The following CACNA2D3 variants were observed in gnomAD, a reference collection of about 807,000 sequenced individuals.
CACNA2D3 encodes the protein calcium voltage-gated channel auxiliary subunit alpha2delta 3, also known as voltage-dependent calcium channel subunit alpha-2/delta-3.
Under a neutral mutation model 160.6 loss-of-function variants are expected in CACNA2D3, and 60 were observed. The observed-to-expected ratio is 0.37, with a 90% CI of 0.30 to 0.46. The LOEUF (loss-of-function observed/expected upper bound fraction) is 0.46, where lower values mean the gene tolerates loss of function less well. Among genes scored for constraint, CACNA2D3 ranks in the 20% least tolerant of loss-of-function variants. The pLI is 1.00. For synonymous variants in CACNA2D3, 558 were observed against 492.9 expected (o/e 1.13, Z -1.75); for missense variants, 1,205 against 1,365.0 (o/e 0.88, Z 1.85).
At chr3:54,386,870 G>A in intron 4 of CACNA2D3, 96 bp downstream of exon 4, 1 of 1,151,596 alleles carries the variant, frequency 8.7e-7, no homozygotes, top group South Asian at 1.4e-5. Context: ...CAGTGATTGG[G>A]AGGGAGAGGC....
At chr3:54,793,526 T>C (rs1702803630) in intron 13 of CACNA2D3, among the ~76,000 whole-genome samples, 1 of 152,246 alleles carries the variant, frequency 6.6e-6, no homozygotes, top group African/African-American at 2.4e-5. Flanking sequence ...TCATCTCAAA[T>C]GTCTTTCAGA....
Position 54,911,351 on chromosome 3 carries a change from C to CTTTTTTTTTTTTTTTT in CACNA2D3, c.2449+11490_2449+11505dup, listed in dbSNP as rs58289082. ...CCTCCTCCCCCTCCTTCTTTGTCGT[C>CTTTTTTTTTTTTTTTT]TTTTTTTTTTTTTTTTTTTTTTAAA... On this transcript the variant is annotated intron_variant, in intron 27 of 37. Coordinates refer to ENST00000474759, the MANE Select transcript of CACNA2D3 (RefSeq NM_018398.3). 1.3e-3 allele frequency among the ~76,000 whole-genome samples: 78 copies of CTTTTTTTTTTTTTTTT among 58,580 alleles called. 10 individuals carry two copies. Among genetic ancestry groups the CTTTTTTTTTTTTTTTT allele is most frequent in the African/African-American group, 4.3e-3 (49 of 11,310 alleles). 38.4% of individuals were successfully genotyped at this position (58,580 alleles called of 152,430 possible). A position where few individuals can be genotyped will look rare whatever the true frequency, so the allele number is the denominator to read the frequency against.
intron 4 of CACNA2D3, among the ~76,000 whole-genome samples, chr3:54,501,586 ATT>A (rs752245060): frequency 2.1e-5 from 3 of 143,558 alleles, no homozygotes. Context: ...TGCCTGACTA[ATT>A]TTTTTTTTTT....
chr3:54,270,555 TCAAG>T (rs1462849311), intron 2 of CACNA2D3, among the ~76,000 whole-genome samples: 14 of 152,308 alleles, frequency 9.2e-5, no homozygotes, highest in African/African-American at 3.4e-4. Flanking sequence ...TTAGGAGAAA[TCAAG>T]TGGCTTAAAA....
intron 13 of CACNA2D3, among the ~76,000 whole-genome samples, chr3:54,769,187 G>T (rs1473616754): frequency 6.6e-6 from 1 of 152,108 alleles, no homozygotes; most frequent in Non-Finnish European, 1.5e-5. Context: ...ATTCTGAGAT[G>T]CTTACCAACT....
intron 11 of CACNA2D3, among the ~76,000 whole-genome samples, chr3:54,743,567 A>G (rs1424409768): frequency 1.3e-5 from 2 of 152,232 alleles, no homozygotes; most frequent in Non-Finnish European, 2.9e-5. Flanking sequence ...TTTTATGAAC[A>G]TAACCATTGC....
intron 34 of CACNA2D3, 92 bp from the exon 35 acceptor site, chr3:55,018,114 G>T (rs1220434954): frequency 2.7e-6 from 2 of 733,860 alleles, no homozygotes; most frequent in African/African-American, 3.5e-5. Context: ...AGCAGAAGCG[G>T]AACTGTGTTC....
rs191072320 is a variant in CACNA2D3, at chr3:54,578,221, G to A, written c.889-3582G>A. ...AAGGAAATTGCATCTAGCTGGTGATGATGTACATTGTATCCTTTTCTTCCT... is the reference window on the plus strand; with the variant it reads ...AAGGAAATTGCATCTAGCTGGTGATAATGTACATTGTATCCTTTTCTTCCT... On this transcript the variant is annotated intron_variant, in intron 8 of 37. Coordinates refer to ENST00000474759, the MANE Select transcript of CACNA2D3 (RefSeq NM_018398.3). 2.5e-3 allele frequency among the ~76,000 whole-genome samples: 383 copies of A among 152,350 alleles called. 2 individuals are homozygous for A. Among genetic ancestry groups the A allele is most frequent in the African/African-American group, 8.6e-3 (357 of 41,578 alleles).
rs142381079 is a variant in CACNA2D3, at chr3:54,921,494, A to C, written c.2449+21626A>C. ...GTGTGCATATTTCTTTGGAGGAGAT[A>C]TTATTATGTATTCACCAAAGCACAT... On this transcript the variant is annotated intron_variant, in intron 27 of 37. Transcript: ENST00000474759. 3.2e-3 allele frequency among the ~76,000 whole-genome samples: 486 copies of C among 152,300 alleles called. 4 individuals are homozygous for C. Among genetic ancestry groups the C allele is most frequent in the African/African-American group, 0.011 (458 of 41,558 alleles).
chr3:54,813,370 G>A (rs1341107697), intron 13 of CACNA2D3, among the ~76,000 whole-genome samples: 2 of 152,186 alleles, frequency 1.3e-5, no homozygotes, highest in African/African-American at 4.8e-5. Flanking sequence ...CTCATCTGGA[G>A]CCTCATGATG....
intron 2 of CACNA2D3, among the ~76,000 whole-genome samples, chr3:54,169,528 A>G (rs2107308469): frequency 6.6e-6 from 1 of 152,334 alleles, no homozygotes; most frequent in Middle Eastern, 3.4e-3. Flanking sequence ...ACTTGCCCTC[A>G]TGAAGCTCAT....
chr3:54,961,151 A>G (rs1348824830), intron 27 of CACNA2D3, among the ~76,000 whole-genome samples: 1 of 152,246 alleles, frequency 6.6e-6, no homozygotes, highest in Non-Finnish European at 1.5e-5. Context: ...TTGGAATCCA[A>G]ACATGCCAGG....
At chr3:55,039,442 G>A (rs932714599) in intron 35 of CACNA2D3, among the ~76,000 whole-genome samples, 1 of 152,200 alleles carries the variant, frequency 6.6e-6, no homozygotes, top group Non-Finnish European at 1.5e-5. Flanking sequence ...TAGTGTGACA[G>A]ACATACAAAA....
chr3:54,890,509 AAAAAAG>A (rs1559618850), intron 24 of CACNA2D3, among the ~76,000 whole-genome samples: 1 of 151,512 alleles, frequency 6.6e-6, no homozygotes, highest in African/African-American at 2.4e-5. Flanking sequence ...AAAAAAAAAA[AAAAAAG>A]AAAAAGAAAG....
At chr3:54,430,962 AT>A (rs1699981029) in intron 4 of CACNA2D3, among the ~76,000 whole-genome samples, 1 of 152,200 alleles carries the variant, frequency 6.6e-6, no homozygotes, top group Non-Finnish European at 1.5e-5. Context: ...TAAACAGTCG[AT>A]TAACACATAT....
At chr3:55,042,051 A>G (rs1376831748) in intron 35 of CACNA2D3, among the ~76,000 whole-genome samples, 6 of 152,130 alleles carry the variant, frequency 3.9e-5, no homozygotes, top group Admixed American at 3.9e-4. Flanking sequence ...TGTTTTTCAG[A>G]TTAATTTTAT....
intron 5 of CACNA2D3, among the ~76,000 whole-genome samples, chr3:54,556,982 T>A (rs1198554228): frequency 6.6e-6 from 1 of 151,880 alleles, no homozygotes; most frequent in Non-Finnish European, 1.5e-5. Flanking sequence ...ATTTAACTGT[T>A]TTTTTTTAAC....
intron 27 of CACNA2D3, among the ~76,000 whole-genome samples, chr3:54,952,413 G>A (rs1161197713): frequency 2.6e-5 from 4 of 152,178 alleles, no homozygotes; most frequent in Admixed American, 1.3e-4. Context: ...GATGTCATGA[G>A]CATCTTAGGA....
chr3:54,674,222 C>T (rs1350557610), intron 11 of CACNA2D3, among the ~76,000 whole-genome samples: 1 of 152,096 alleles, frequency 6.6e-6, no homozygotes, highest in Non-Finnish European at 1.5e-5. Flanking sequence ...AAATGTGGTC[C>T]CCAGGGTTCC....
Sources: allele counts gnomAD v4.1 joint callset (sites outside exome capture counted in the v4.1 genomes callset), GRCh38; gene constraint gnomAD v4.1.1; transcripts MANE v1.5; gene names NCBI Gene and HGNC (gene_info 2026-07-23, HGNC 2026-07-21).